The following PTPN4 variants were observed in gnomAD, a reference collection of about 807,000 sequenced individuals.
PTPN4 encodes protein tyrosine phosphatase non-receptor type 4, also known as tyrosine-protein phosphatase non-receptor type 4.
PTPN4 carries 49 observed loss-of-function variants against 135.5 expected under a neutral mutation model. The observed-to-expected ratio is 0.36, with a 90% CI of 0.29 to 0.46. PTPN4 has a LOEUF of 0.46. PTPN4 is among the 20% of genes least tolerant of loss of function. PTPN4 has a pLI of 1.00. For synonymous variants in PTPN4, 333 were observed against 369.9 expected (o/e 0.90, Z 1.14); for missense variants, 860 against 1,101.0 (o/e 0.78, Z 3.10).
At chr2:119,968,253 A>G (rs1415747501) in intron 26 of PTPN4, among the ~76,000 whole-genome samples, 1 of 152,198 alleles carries the variant, frequency 6.6e-6, no homozygotes, top group Non-Finnish European at 1.5e-5. Flanking sequence ...ACAGTACCAT[A>G]TGGACTGCTA....
At chr2:119,846,463 G>T (rs1001836193) in intron 2 of PTPN4, among the ~76,000 whole-genome samples, 1 of 151,542 alleles carries the variant, frequency 6.6e-6, no homozygotes, top group Admixed American at 6.6e-5. Flanking sequence ...CCTTCCTTAC[G>T]GTGTAACTTT....
chr2:119,907,078 T>G (rs1413257730), intron 10 of PTPN4, among the ~76,000 whole-genome samples: 3 of 152,130 alleles, frequency 2.0e-5, no homozygotes, highest in Non-Finnish European at 2.9e-5. Context: ...ATGTTACACT[T>G]AGGAATAAAC....
intron 10 of PTPN4, among the ~76,000 whole-genome samples, chr2:119,912,386 A>G (rs1400408886): frequency 2.0e-5 from 3 of 152,196 alleles, no homozygotes; most frequent in South Asian, 2.1e-4. Flanking sequence ...GTACACATGT[A>G]TGTCACACTT....
At chr2:119,788,824 A>G (rs960984110) in intron 1 of PTPN4, among the ~76,000 whole-genome samples, 1 of 152,142 alleles carries the variant, frequency 6.6e-6, no homozygotes, top group Non-Finnish European at 1.5e-5. Context: ...TATCTCCTCA[A>G]TGGACACTTG....
At chr2:119,860,576 A>C (rs1558747623) in intron 2 of PTPN4, among the ~76,000 whole-genome samples, 1 of 152,196 alleles carries the variant, frequency 6.6e-6, no homozygotes, top group African/African-American at 2.4e-5. Context: ...TGAAAAAAAA[A>C]TGTCCTTAGT....
At chr2:119,841,844 A>G (rs1677386424) in intron 2 of PTPN4, among the ~76,000 whole-genome samples, 1 of 152,204 alleles carries the variant, frequency 6.6e-6, no homozygotes, top group South Asian at 2.1e-4. Context: ...GGTTAAGAAG[A>G]CATAAGCTTG....
intron 9 of PTPN4, among the ~76,000 whole-genome samples, chr2:119,887,427 C>A (rs992340270): frequency 2.6e-5 from 4 of 152,194 alleles, no homozygotes; most frequent in African/African-American, 9.7e-5. Context: ...TCTAAGGCTT[C>A]TGTAAGCTAT....
intron 2 of PTPN4, among the ~76,000 whole-genome samples, chr2:119,836,116 A>G (rs375304501): frequency 6.6e-6 from 1 of 152,108 alleles, no homozygotes; most frequent in East Asian, 1.9e-4. Context: ...AGAGATCACT[A>G]TACTAGTTGT....
chr2:119,924,549 G>A (rs1678791753), intron 12 of PTPN4, among the ~76,000 whole-genome samples: 1 of 151,944 alleles, frequency 6.6e-6, no homozygotes, highest in East Asian at 1.9e-4. Flanking sequence ...TAAAGAGAGA[G>A]AGAAAGAGAG....
chr2:119,844,342 G>C (rs1473185690), intron 2 of PTPN4, among the ~76,000 whole-genome samples: 1 of 47,588 alleles, frequency 2.1e-5, no homozygotes, highest in Non-Finnish European at 4.0e-5. Context: ...GGCCGGGCGG[G>C]GGGCTGACCC....
Position 119,955,307 on chromosome 2 carries a change from T to C in PTPN4, c.1964T>C (p.Val655Ala). 1.2e-5 allele frequency: 19 copies of C among 1,589,878 alleles called. No homozygotes were observed. The highest frequency in any genetic ancestry group is 1.5e-5 in the Non-Finnish European group (18 of 1,172,118). The change falls in exon 20 of 27, where the codon GTC becomes GCC. Residue 655 changes from valine to alanine, a missense_variant. Around this residue, in one of 2 missense-constraint regions of PTPN4, gnomAD observed 684 missense variants for 807.0 expected, o/e 0.85. Transcript: ENST00000263708. ...GCTGAGGGGCTTATCACTGGAACAG[T>C]CCTGACACAGTTTGATGTAAGTAAT... ...QLAEGLITGT[V>A]LTQFDQLYRK... is the part of the protein sequence containing the mutation.
chr2:119,877,538 A>G lies in PTPN4; in HGVS notation c.364A>G (p.Thr122Ala). ...SDPNKLQEEY[T>A]RYQYFLQIKQ... ...CCCCAACAAGTTACAAGAAGAATAT[A>G]CAAGGTGGGTTTATGGATATATTTT... Residue 122 changes from threonine to alanine, a missense_variant, in exon 5 of 27, where the codon ACA becomes GCA. Transcript: ENST00000263708. 6.2e-7 allele frequency: 1 copy of G among 1,600,606 alleles called. No individual in the cohort carries two copies. Among genetic ancestry groups the G allele is most frequent in the Non-Finnish European group, 8.5e-7 (1 of 1,176,092 alleles).
At chr2:119,842,766 C>CT (rs1232203784) in intron 2 of PTPN4, among the ~76,000 whole-genome samples, 2 of 152,196 alleles carry the variant, frequency 1.3e-5, no homozygotes, top group African/African-American at 4.8e-5. Context: ...AACATCTTCT[C>CT]TAACTGTGGT....
intron 2 of PTPN4, among the ~76,000 whole-genome samples, chr2:119,859,009 A>G (rs1242199133): frequency 6.6e-6 from 1 of 150,460 alleles, no homozygotes; most frequent in Non-Finnish European, 1.5e-5. Context: ...TTTCTTTCTT[A>G]TCTTTATTCT....
At chr2:119,953,470 GATTAAAAGGACTTCAACAGAAC>G (rs1422305070) in intron 19 of PTPN4, among the ~76,000 whole-genome samples, 1 of 152,102 alleles carries the variant, frequency 6.6e-6, no homozygotes, top group African/African-American at 2.4e-5. Context: ...TTTCTAGGAA[GATTAAAAGGACTTCAACAGAAC>G]ATTCTATTTT....
intron 1 of PTPN4, among the ~76,000 whole-genome samples, chr2:119,781,214 C>T (rs556721152): frequency 3.3e-5 from 5 of 152,144 alleles, no homozygotes; most frequent in Non-Finnish European, 7.3e-5. Flanking sequence ...GCTCTGAAAT[C>T]AGCCTTTTTT....
chr2:119,844,179 G>A lies in PTPN4; in HGVS notation c.139-18357G>A, dbSNP rs181553161. 6.8e-3 allele frequency among the ~76,000 whole-genome samples: 834 copies of A among 121,998 alleles called. 6 individuals are homozygous for A. Among genetic ancestry groups the A allele is most frequent in the African/African-American group, 0.025 (780 of 30,642 alleles). The allele number at this position is 121,998 out of a possible 152,430, so 80.0% of individuals were successfully genotyped here. Reference sequence around the variant, plus strand: ...GACGCCCCCCACCTCCCTCCCGGACGGGGCGGCTGGCCGGGCAGAGGGGCT... The same window carrying A: ...GACGCCCCCCACCTCCCTCCCGGACAGGGCGGCTGGCCGGGCAGAGGGGCT... On this transcript the variant is annotated intron_variant, in intron 2 of 26. Coordinates refer to ENST00000263708, the MANE Select transcript of PTPN4 (RefSeq NM_002830.4).
Position 119,932,468 on chromosome 2 carries a change from T to C in PTPN4, c.1115T>C (p.Val372Ala), listed in dbSNP as rs1396308413. Residue 372 changes from valine to alanine, a missense_variant, in exon 14 of 27, where the codon GTA becomes GCA. Transcript: ENST00000263708. ...PLARKLMDWE[V>A]VSRNSISDDR... ...GCACGGAAATTAATGGATTGGGAAG[T>C]AGTAAGCAGAAATTCAATATCTGAT... The C allele has an allele frequency of 1.2e-6, 2 of 1,611,334 alleles. No homozygotes were observed. The highest frequency in any genetic ancestry group is 2.2e-5 in the South Asian group (2 of 90,910).
chr2:119,854,694 C>T (rs904351310), intron 2 of PTPN4, among the ~76,000 whole-genome samples: 8 of 152,048 alleles, frequency 5.3e-5, no homozygotes, highest in African/African-American at 1.9e-4. Flanking sequence ...ATACAAGGTG[C>T]AAATATGAAT....
Sources: allele counts gnomAD v4.1 joint callset (sites outside exome capture counted in the v4.1 genomes callset), GRCh38; gene constraint gnomAD v4.1.1; regional missense constraint gnomAD v4.1.1; transcripts MANE v1.5; gene names NCBI Gene and HGNC (gene_info 2026-07-23, HGNC 2026-07-21).